The following MYOCD variants were observed in gnomAD, a reference collection of about 807,000 sequenced individuals.
The protein encoded by MYOCD is myocardin.
Under a neutral mutation model 96.1 loss-of-function variants are expected in MYOCD, and 32 were observed. The ratio of observed to expected loss-of-function variants is 0.33; its 90% confidence interval spans 0.25 to 0.45. The LOEUF (loss-of-function observed/expected upper bound fraction) is 0.45, where lower values mean the gene tolerates loss of function less well. Ranked by LOEUF, MYOCD falls within the 20% of genes least tolerant of loss-of-function variation. The pLI, the probability that MYOCD is intolerant of heterozygous loss-of-function variation, is 1.00. For synonymous variants in MYOCD, 469 were observed against 469.0 expected (o/e 1.00, Z 0.00); for missense variants, 1,133 against 1,200.6 (o/e 0.94, Z 0.83).
At chr17:12,742,282 G>T (rs1233386951) in intron 7 of MYOCD, among the ~76,000 whole-genome samples, 1 of 152,146 alleles carries the variant, frequency 6.6e-6, no homozygotes, top group Admixed American at 6.5e-5. Flanking sequence ...TTCATTAGTC[G>T]CCAGGAAGAA....
rs978615928 is a variant in MYOCD, at chr17:12,759,616, C to T, written c.2332-1034C>T. Among the ~76,000 whole-genome samples, 7 of 152,060 alleles carry T rather than the reference C, an allele frequency of 4.6e-5. No homozygotes were observed. The South Asian group carries it at 6.2e-4, about 14-fold the overall frequency. On this transcript the variant is annotated intron_variant, in intron 12 of 13. Coordinates refer to ENST00000425538, the MANE Select transcript of MYOCD (RefSeq NM_001146312.3). ...TCCCCTGGTTTCTGTAAACATCAGC[C>T]GATTCTTCAGTTTCAAAAGAAAAGG...
At chr17:12,740,468 A>C (rs1005867511) in intron 7 of MYOCD, among the ~76,000 whole-genome samples, 2 of 152,352 alleles carry the variant, frequency 1.3e-5, no homozygotes, top group Middle Eastern at 3.4e-3. Flanking sequence ...AATGGCCTGC[A>C]GCTCCATCCA....
chr17:12,700,290 CT>C (rs2150668428), intron 1 of MYOCD, among the ~76,000 whole-genome samples: 1 of 150,066 alleles, frequency 6.7e-6, no homozygotes, highest in South Asian at 2.1e-4. Context: ...ATATTTTCGT[CT>C]TTTGTTTCCA....
chr17:12,704,859 A>G, intron 1 of MYOCD: 2 of 384,216 alleles, frequency 5.2e-6, no homozygotes, highest in Non-Finnish European at 9.5e-6. Flanking sequence ...AGAGAGAGAG[A>G]GCATGGCACT....
At chr17:12,682,122 G>A (rs1289843837) in intron 1 of MYOCD, among the ~76,000 whole-genome samples, 3 of 152,128 alleles carry the variant, frequency 2.0e-5, no homozygotes, top group Non-Finnish European at 2.9e-5. Flanking sequence ...CATTCTGTCA[G>A]CCACCCTCTT....
Position 12,717,380 on chromosome 17 carries a change from G to A in MYOCD, c.212G>A (p.Arg71Lys). The change falls in exon 4 of 14, where the codon AGG (arginine) becomes AAG (lysine). Residue 71 changes from arginine to lysine, a missense_variant. Coordinates refer to ENST00000425538, the MANE Select transcript of MYOCD (RefSeq NM_001146312.3). ...KNSLKRKARNRCNSADLVNMH... is the reference protein window; with the variant it reads ...KNSLKRKARNKCNSADLVNMH... ...TCCCTGAAGCGCAAAGCCAGAAACA[G>A]GTGCAACAGTGCCGACTTGGTTAAT... 2 of 1,614,102 alleles carry A rather than the reference G, an allele frequency of 1.2e-6. No homozygotes were observed. Among genetic ancestry groups the A allele is most frequent in the African/African-American group, 1.3e-5 (1 of 75,042 alleles).
intron 9 of MYOCD, among the ~76,000 whole-genome samples, chr17:12,749,707 G>GTGTATATATATATATACATATA (rs147211245): frequency 7.4e-6 from 1 of 135,742 alleles, no homozygotes; most frequent in African/African-American, 2.8e-5. Flanking sequence ...GTATACATAT[G>GTGTATATATATATATACATATA]TGTATATATA....
At chr17:12,690,259 A>G (rs1377511082) in intron 1 of MYOCD, among the ~76,000 whole-genome samples, 6 of 152,158 alleles carry the variant, frequency 3.9e-5, no homozygotes, top group Non-Finnish European at 8.8e-5. Context: ...AAAATCTAAG[A>G]AAACATGTTT....
chr17:12,749,563 TGTATATGTATATATA>T (rs1443523331), intron 9 of MYOCD, among the ~76,000 whole-genome samples: 1 of 148,466 alleles, frequency 6.7e-6, no homozygotes, highest in Non-Finnish European at 1.5e-5. Flanking sequence ...TATATACATA[TGTATATGTATATATA>T]CAAAACCTAT....
intron 9 of MYOCD, among the ~76,000 whole-genome samples, chr17:12,749,646 T>C (rs543869927): frequency 6.8e-5 from 10 of 147,742 alleles, no homozygotes; most frequent in African/African-American, 1.7e-4. Context: ...TGTGTATATA[T>C]ACACACGTAT....
rs1044412688 is a variant in MYOCD, at chr17:12,677,508, C to G, written c.55+11265C>G. ...TGGGCGGATCACGAGGTCAGGAGAT[C>G]GAGACCAACCTGGCTAACACAGTGA... On this transcript the variant is annotated intron_variant, in intron 1 of 13. Transcript: ENST00000425538. 4.6e-5 allele frequency among the ~76,000 whole-genome samples: 7 copies of G among 151,976 alleles called. 1 individual carries two copies. The highest frequency in any genetic ancestry group is 3.9e-4 in the East Asian group (2 of 5,152).
chr17:12,739,887 G>C (rs1056058654), intron 7 of MYOCD, among the ~76,000 whole-genome samples: 1 of 152,064 alleles, frequency 6.6e-6, no homozygotes, highest in Non-Finnish European at 1.5e-5. Flanking sequence ...TGGGGGTGCA[G>C]GTGGTTTTTG....
In MYOCD at chr17:12,702,289, T is replaced by C. The variant is rs1182850241; in HGVS notation, c.56-2839T>C. Among the ~76,000 whole-genome samples the C allele has an allele frequency of 3.3e-5, 5 of 152,164 alleles. No individual in the cohort carries two copies. The East Asian group carries it at 9.7e-4, about 29-fold the overall frequency. ...TGATGAATTCTGCCACTTACAATTA[T>C]AAAATTTCCATTATTTATCTCTGAC... On this transcript the variant is annotated intron_variant, in intron 1 of 13. Transcript: ENST00000425538.
chr17:12,744,136 CT>C, intron 7 of MYOCD, 46 bp from the exon 8 acceptor site: 3 of 1,585,836 alleles, frequency 1.9e-6, no homozygotes, highest in Non-Finnish European at 2.6e-6. Flanking sequence ...CAAAATCATT[CT>C]CAGCCATCAC....
chr17:12,755,732 C>T lies in MYOCD; in HGVS notation c.2059-682C>T, dbSNP rs558155065. Among the ~76,000 whole-genome samples the T allele has an allele frequency of 1.3e-4, 20 of 152,176 alleles. No individual in the cohort carries two copies. In the East Asian group the frequency reaches 1.5e-3, roughly 12 times the overall value. On this transcript the variant is annotated intron_variant, in intron 10 of 13. Coordinates refer to ENST00000425538, the MANE Select transcript of MYOCD (RefSeq NM_001146312.3). ...ACTAAAAGTACAAAAATTAGCCGGG[C>T]GTGGTGGCACGCGCCTGTAGTCCTA... is the stretch of plus-strand genomic sequence containing the variant.
At chr17:12,690,201 A>AGCTACTTGGGAGGCTG (rs2030372816) in intron 1 of MYOCD, among the ~76,000 whole-genome samples, 2 of 152,220 alleles carry the variant, frequency 1.3e-5, no homozygotes, top group Admixed American at 6.5e-5. Context: ...AAAATCTGTC[A>AGCTACTTGGGAGGCTG]AAGAATGTTA....
intron 11 of MYOCD, 60 bp downstream of exon 11, chr17:12,756,617 A>G: frequency 6.8e-7 from 1 of 1,468,192 alleles, no homozygotes; most frequent in South Asian, 1.3e-5. Flanking sequence ...CTCTTCTGTA[A>G]CCCGGGAGGC....
chr17:12,757,430 C>A (rs1190553295), intron 11 of MYOCD, among the ~76,000 whole-genome samples: 1 of 152,088 alleles, frequency 6.6e-6, no homozygotes, highest in African/African-American at 2.4e-5. Flanking sequence ...TGCAAAATAC[C>A]CAGTTTGGAA....
At chr17:12,703,427 T>C (rs963302435) in intron 1 of MYOCD, among the ~76,000 whole-genome samples, 1 of 151,976 alleles carries the variant, frequency 6.6e-6, no homozygotes, top group Non-Finnish European at 1.5e-5. Context: ...TGAAACTGTC[T>C]ATTTATTCCT....
Sources: allele counts gnomAD v4.1 joint callset (sites outside exome capture counted in the v4.1 genomes callset), GRCh38; gene constraint gnomAD v4.1.1; transcripts MANE v1.5; gene names NCBI Gene and HGNC (gene_info 2026-07-23, HGNC 2026-07-21).